Variants in TAFA5 observed in about 807,000 individuals in gnomAD.
TAFA5 encodes TAFA chemokine like family member 5.
A neutral mutation model predicts 15.3 loss-of-function variants in TAFA5; 6 were observed. The observed-to-expected ratio is 0.39, with a 90% CI of 0.21 to 0.77. TAFA5 has a LOEUF of 0.77. Among genes scored for constraint, TAFA5 ranks in the 30% least tolerant of loss-of-function variants. The pLI is 0.41. For synonymous variants in TAFA5, 103 were observed against 80.7 expected, an observed-to-expected ratio of 1.28 and a Z score of -1.48; for missense variants, 161 against 193.1, an observed-to-expected ratio of 0.83 and a Z score of 0.98.
intron 3 of TAFA5, among the ~76,000 whole-genome samples, chr22:48,718,858 G>A (rs1251483129): frequency 1.3e-5 from 2 of 152,150 alleles, no homozygotes; most frequent in Non-Finnish European, 2.9e-5. Flanking sequence ...TGCAGAGACA[G>A]GGTGCAGCTT....
chr22:48,686,929 T>C (rs1189295322), intron 2 of TAFA5, among the ~76,000 whole-genome samples: 1 of 132,446 alleles, frequency 7.6e-6, no homozygotes, highest in Non-Finnish European at 1.8e-5. Context: ...GATGGATGGA[T>C]GGATGGATGG....
chr22:48,521,601 G>A (rs745663062), intron 1 of TAFA5, among the ~76,000 whole-genome samples: 1 of 152,144 alleles, frequency 6.6e-6, no homozygotes, highest in Non-Finnish European at 1.5e-5. Flanking sequence ...TGCCTGCGAT[G>A]AATGGTGTTT....
At chr22:48,648,055 C>T (rs899965054) in intron 2 of TAFA5, among the ~76,000 whole-genome samples, 1 of 152,160 alleles carries the variant, frequency 6.6e-6, no homozygotes, top group Non-Finnish European at 1.5e-5. Flanking sequence ...GTAGGGGTGT[C>T]GCTGGCCAGT....
chr22:48,548,899 T>C (rs1267534452), intron 1 of TAFA5, among the ~76,000 whole-genome samples: 1 of 152,234 alleles, frequency 6.6e-6, no homozygotes, highest in Non-Finnish European at 1.5e-5. Context: ...CTAAAGTCAT[T>C]TGGTTTCACT....
rs76731302 is a variant in TAFA5, at chr22:48,671,515, A to G, written c.262+24769A>G. ...TCTTCATCGGTGCTCATCCCAACCA[A>G]GCCATCCAGAGTGGTGGTTCCTTCA... On this transcript the variant is annotated intron_variant, in intron 2 of 3. Transcript: ENST00000402357. Among the ~76,000 whole-genome samples the G allele has an allele frequency of 4.8e-3, 732 of 152,304 alleles. 7 individuals carry two copies. The highest frequency in any genetic ancestry group is 0.017 in the African/African-American group (697 of 41,572).
intron 1 of TAFA5, among the ~76,000 whole-genome samples, chr22:48,575,748 C>T (rs1923754110): frequency 6.9e-6 from 1 of 145,070 alleles, no homozygotes; most frequent in South Asian, 2.1e-4. Context: ...ACCGGCCCGC[C>T]AGCCCCGGGC....
chr22:48,689,828 C>T (rs1298692288), intron 2 of TAFA5, among the ~76,000 whole-genome samples: 1 of 152,180 alleles, frequency 6.6e-6, no homozygotes, highest in African/African-American at 2.4e-5. Flanking sequence ...CTTGCACCAC[C>T]CTCTTTCCTG....
At chr22:48,595,336 G>A (rs781291760) in intron 1 of TAFA5, among the ~76,000 whole-genome samples, 9 of 152,240 alleles carry the variant, frequency 5.9e-5, no homozygotes, top group Admixed American at 2.0e-4. Flanking sequence ...TCCTCTTCCC[G>A]GCGCGTCAGT....
chr22:48,522,151 G>A (rs1202089887), intron 1 of TAFA5, among the ~76,000 whole-genome samples: 1 of 152,144 alleles, frequency 6.6e-6, no homozygotes, highest in Admixed American at 6.5e-5. Context: ...CGTAGAAGCT[G>A]GAGATGGGCA....
intron 3 of TAFA5, among the ~76,000 whole-genome samples, chr22:48,730,823 C>G (rs1461740697): frequency 6.6e-6 from 1 of 152,168 alleles, no homozygotes; most frequent in African/African-American, 2.4e-5. Context: ...ACGGGCCTCC[C>G]TGTTCTCTGA....
At chr22:48,577,919 A>G (rs1209105248) in intron 1 of TAFA5, among the ~76,000 whole-genome samples, 5 of 152,286 alleles carry the variant, frequency 3.3e-5, no homozygotes, top group African/African-American at 1.2e-4. Context: ...GTTCTGCCAT[A>G]GGGCAGTAGC....
intron 2 of TAFA5, among the ~76,000 whole-genome samples, chr22:48,698,582 C>G: frequency 9.9e-6 from 1 of 100,684 alleles, no homozygotes; most frequent in Admixed American, 9.4e-5. Context: ...GGAGGCTGAC[C>G]TGAGTGGGGC....
intron 2 of TAFA5, among the ~76,000 whole-genome samples, chr22:48,698,121 C>A (rs1365351374): frequency 7.6e-6 from 1 of 131,234 alleles, no homozygotes. Flanking sequence ...GTGATGATAG[C>A]GATGGTGGTG....
chr22:48,600,907 G>A (rs1410709228), intron 1 of TAFA5, among the ~76,000 whole-genome samples: 1 of 152,126 alleles, frequency 6.6e-6, no homozygotes, highest in Admixed American at 6.5e-5. Flanking sequence ...GGTCGGTAGA[G>A]CCTGACACTC....
intron 1 of TAFA5, among the ~76,000 whole-genome samples, chr22:48,565,448 T>C (rs1486384974): frequency 1.3e-5 from 2 of 152,244 alleles, no homozygotes; most frequent in East Asian, 3.8e-4. Context: ...TTCCCAGCAA[T>C]GTGTACATAA....
intron 2 of TAFA5, among the ~76,000 whole-genome samples, chr22:48,649,006 G>A (rs573800455): frequency 1.1e-4 from 16 of 152,324 alleles, no homozygotes; most frequent in African/African-American, 3.4e-4. Flanking sequence ...TCTCATTGAT[G>A]AGCGTGTCCT....
chr22:48,496,940 C>T (rs1033818702), intron 1 of TAFA5, among the ~76,000 whole-genome samples: 2 of 152,194 alleles, frequency 1.3e-5, no homozygotes, highest in African/African-American at 2.4e-5. Flanking sequence ...TTGCATTTCA[C>T]CTTCCAGAAA....
chr22:48,561,953 C>G (rs1923244764), intron 1 of TAFA5, among the ~76,000 whole-genome samples: 1 of 152,160 alleles, frequency 6.6e-6, no homozygotes, highest in Non-Finnish European at 1.5e-5. Flanking sequence ...CACTGGTCAC[C>G]CTGCCCGGCC....
chr22:48,575,730 CGGTGGGGACCGGCCCGCCA>C (rs1923753082), intron 1 of TAFA5, among the ~76,000 whole-genome samples: 1 of 144,682 alleles, frequency 6.9e-6, no homozygotes, highest in Non-Finnish European at 1.5e-5. Flanking sequence ...CGGCACCGTC[CGGTGGGGACCGGCCCGCCA>C]GCCCCGGGCC....
Sources: gnomAD v4.1 joint callset for allele counts (sites outside exome capture counted in the v4.1 genomes callset) on GRCh38, gnomAD v4.1.1 for gene constraint, MANE v1.5 for transcripts, NCBI Gene and HGNC (gene_info 2026-07-23, HGNC 2026-07-21) for gene names.